The following DACH2 variants were observed in gnomAD, a reference collection of about 807,000 sequenced individuals.
DACH2 encodes the protein dachshund homolog 2.
In DACH2, 17 loss-of-function variants were observed where a neutral mutation model predicts 35.8. The observed-to-expected ratio is 0.48, with a 90% CI of 0.33 to 0.71. The LOEUF (loss-of-function observed/expected upper bound fraction) is 0.71. Among genes scored for constraint, DACH2 ranks in the 30% least tolerant of loss-of-function variants. DACH2 has a pLI of 0.02. For missense variants in DACH2, 469 were observed against 472.7 expected, an observed-to-expected ratio of 0.99 and a Z score of 0.07; for synonymous variants, 195 against 177.3, an observed-to-expected ratio of 1.10 and a Z score of -0.79.
chrX:86,441,354 T>A (rs1200451263), intron 2 of DACH2, among the ~76,000 whole-genome samples: 1 of 111,304 alleles, frequency 9.0e-6, no homozygotes, highest in African/African-American at 3.3e-5. Flanking sequence ...GTGCCACAAA[T>A]GAGTGAGAAC....
At chrX:86,209,349 C>T (rs1001299707) in intron 1 of DACH2, among the ~76,000 whole-genome samples, 1 of 111,447 alleles carries the variant, frequency 9.0e-6, no homozygotes, top group Admixed American at 9.5e-5. Context: ...ATCTAACCCT[C>T]CGTAAACACA....
chrX:86,736,021 A>T (rs2041591278), intron 6 of DACH2, among the ~76,000 whole-genome samples: 1 of 111,488 alleles, frequency 9.0e-6, no homozygotes. Flanking sequence ...ACCAAAGCAT[A>T]TTGCAGTTAA....
At chrX:86,314,204 G>A (rs4828142) in intron 1 of DACH2, among the ~76,000 whole-genome samples, 18,528 of 110,141 alleles carry the variant, frequency 0.17, 1,673 homozygotes, top group African/African-American at 0.34. Flanking sequence ...AGAATCACAC[G>A]TCTCTAGCTT....
chrX:86,293,030 A>T (rs1473814242), intron 1 of DACH2, among the ~76,000 whole-genome samples: 3 of 96,500 alleles, frequency 3.1e-5, no homozygotes, highest in Non-Finnish European at 6.1e-5. Context: ...GTGGGGTGTT[A>T]AAGTCTCCCA....
rs1340501243 is a variant in DACH2 at position 86,556,824 on chromosome X, AGAGAG to A, written c.640+42434_640+42438del. On this transcript the variant is annotated intron_variant, in intron 3 of 11. Coordinates refer to ENST00000373125, the MANE Select transcript of DACH2 (RefSeq NM_053281.3). ...GAGAGAGAGAGAGAGAGAGAGAGAG[AGAGAG>A]AAGAAGAAATGTACTACGGGAATTT... is the stretch of plus-strand genomic sequence containing the variant. Among the ~76,000 whole-genome samples, 38 of 92,296 alleles carry A rather than the reference AGAGAG, an allele frequency of 4.1e-4. 1 individual carries two copies. Among genetic ancestry groups the A allele is most frequent in the East Asian group, 1.4e-3 (4 of 2,825 alleles). The allele number at this position is 92,296 out of a possible 115,157, so 80.1% of individuals were successfully genotyped here. A position where few individuals can be genotyped will look rare whatever the true frequency, so the allele number is the denominator to read the frequency against.
intron 2 of DACH2, among the ~76,000 whole-genome samples, chrX:86,498,285 T>A (rs1226819057): frequency 8.9e-6 from 1 of 111,987 alleles, no homozygotes; most frequent in Non-Finnish European, 1.9e-5. Flanking sequence ...TGTGATAAAC[T>A]AATTCTTTAA....
chrX:86,636,942 A>T (rs1370743825), intron 3 of DACH2, among the ~76,000 whole-genome samples: 2 of 104,270 alleles, frequency 1.9e-5, no homozygotes, highest in African/African-American at 7.0e-5. Context: ...ATGGGAGAAA[A>T]TTTTTTCAAA....
At chrX:86,403,126 CA>C (rs1569382222) in intron 2 of DACH2, among the ~76,000 whole-genome samples, 1 of 111,887 alleles carries the variant, frequency 8.9e-6, no homozygotes, top group Non-Finnish European at 1.9e-5. Context: ...TTGGCCTTGG[CA>C]AAAAACTTTG....
At chrX:86,205,050 G>T (rs896879436) in intron 1 of DACH2, among the ~76,000 whole-genome samples, 3 of 111,912 alleles carry the variant, frequency 2.7e-5, no homozygotes, top group Non-Finnish European at 5.6e-5. Flanking sequence ...AGAATAATTT[G>T]CTGCTTAGCA....
At chrX:86,569,531 C>G (rs1343227128) in intron 3 of DACH2, among the ~76,000 whole-genome samples, 1 of 111,396 alleles carries the variant, frequency 9.0e-6, no homozygotes, top group Non-Finnish European at 1.9e-5. Context: ...GTTCACCCAT[C>G]TACTGGGTCC....
intron 2 of DACH2, among the ~76,000 whole-genome samples, chrX:86,400,969 A>T (rs1341135536): frequency 8.9e-6 from 1 of 112,468 alleles, no homozygotes; most frequent in African/African-American, 3.2e-5. Flanking sequence ...GGTGCCCTGC[A>T]CCCAGAGGTG....
intron 2 of DACH2, among the ~76,000 whole-genome samples, chrX:86,450,237 A>T (rs749948405): frequency 6.3e-5 from 7 of 110,430 alleles, no homozygotes; most frequent in African/African-American, 2.3e-4. Flanking sequence ...ATGACCCCCA[A>T]CAACAGGCCC....
At chrX:86,590,473 G>A (rs1198187966) in intron 3 of DACH2, among the ~76,000 whole-genome samples, 1 of 111,793 alleles carries the variant, frequency 8.9e-6, no homozygotes, top group African/African-American at 3.3e-5. Context: ...CTTATTGAAG[G>A]ACATCTTAGT....
intron 3 of DACH2, among the ~76,000 whole-genome samples, chrX:86,532,053 G>A (rs183966408): frequency 7.1e-5 from 8 of 113,034 alleles, no homozygotes; most frequent in Non-Finnish European, 1.1e-4. Flanking sequence ...TGGCCCCTTT[G>A]TTTCAGGCAA....
intron 2 of DACH2, among the ~76,000 whole-genome samples, chrX:86,487,546 C>T (rs746075712): frequency 1.8e-5 from 2 of 111,443 alleles, no homozygotes; most frequent in South Asian, 7.5e-4. Flanking sequence ...GATAGAGCTT[C>T]TTTGCAGTGC....
At chrX:86,798,995 C>T in intron 7 of DACH2, 1 of 226,642 alleles carries the variant, frequency 4.4e-6, no homozygotes, top group African/African-American at 2.9e-5. Flanking sequence ...AATTTTTTTC[C>T]TACTGAGCAA....
chrX:86,394,919 A>G (rs913724300), intron 2 of DACH2, among the ~76,000 whole-genome samples: 1 of 111,833 alleles, frequency 8.9e-6, no homozygotes, highest in South Asian at 3.7e-4. Context: ...CATCAACTCA[A>G]TAAAGTGCTC....
intron 3 of DACH2, among the ~76,000 whole-genome samples, chrX:86,532,973 T>G (rs1474665881): frequency 3.6e-5 from 4 of 112,092 alleles, no homozygotes; most frequent in Non-Finnish European, 7.5e-5. Context: ...AAAACCATAA[T>G]TTGCTTACCT....
intron 1 of DACH2, among the ~76,000 whole-genome samples, chrX:86,344,036 G>T (rs1371353646): frequency 9.1e-6 from 1 of 109,888 alleles, no homozygotes; most frequent in African/African-American, 3.3e-5. Context: ...ATGACTTATT[G>T]TACATTTTTA....
Sources: gnomAD v4.1 joint callset for allele counts (sites outside exome capture counted in the v4.1 genomes callset) on GRCh38, gnomAD v4.1.1 for gene constraint, MANE v1.5 for transcripts, NCBI Gene and HGNC (gene_info 2026-07-23, HGNC 2026-07-21) for gene names.